SLC38A11: variants seen among roughly 807,000 people sequenced by gnomAD.
SLC38A11 encodes the protein solute carrier family 38 member 11, also known as putative sodium-coupled neutral amino acid transporter 11.
SLC38A11 carries 51 observed loss-of-function variants against 49.4 expected under a neutral mutation model. That is an observed-to-expected ratio of 1.03 (90% CI 0.83 to 1.30). The LOEUF (loss-of-function observed/expected upper bound fraction) is 1.30, where lower values mean the gene tolerates loss of function less well. SLC38A11 is among the 50% of genes most tolerant of loss of function. SLC38A11 has a pLI of 0.00. For missense variants in SLC38A11, 574 were observed against 556.2 expected, an observed-to-expected ratio of 1.03 and a Z score of -0.32; for synonymous variants, 203 against 192.9, an observed-to-expected ratio of 1.05 and a Z score of -0.43.
chr2:164,925,220 C>A (rs1686487654), intron 7 of SLC38A11, among the ~76,000 whole-genome samples: 1 of 152,090 alleles, frequency 6.6e-6, no homozygotes, highest in South Asian at 2.1e-4. Context: ...TTGGTGTTAA[C>A]TGTGTTTACC....
At chr2:164,920,605 G>A (rs1686125614) in intron 7 of SLC38A11, among the ~76,000 whole-genome samples, 1 of 152,150 alleles carries the variant, frequency 6.6e-6, no homozygotes, top group Admixed American at 6.5e-5. Flanking sequence ...ATTGAGAGTA[G>A]AAGATGTTGC....
intron 4 of SLC38A11, 89 bp downstream of exon 4, chr2:164,945,504 T>A (rs1688043888): frequency 1.6e-6 from 2 of 1,256,718 alleles, no homozygotes; most frequent in Non-Finnish European, 2.1e-6. Flanking sequence ...TATAGTGATA[T>A]TCTTTAATGA....
At chr2:164,915,004 G>A in intron 9 of SLC38A11, 108 bp downstream of exon 9, 3 of 1,024,956 alleles carry the variant, frequency 2.9e-6, no homozygotes, top group Admixed American at 3.0e-5. Context: ...GTGGAAGAGA[G>A]TAATCTTTGA....
chr2:164,939,386 G>A (rs541311867), intron 6 of SLC38A11, 64 bp downstream of exon 6: 34 of 1,109,504 alleles, frequency 3.1e-5, no homozygotes, highest in Middle Eastern at 4.3e-4. Context: ...ACTTTGCCAA[G>A]TAGACAGTAG....
chr2:164,927,157 G>T (rs967023612), intron 7 of SLC38A11, among the ~76,000 whole-genome samples: 4 of 152,078 alleles, frequency 2.6e-5, no homozygotes, highest in Non-Finnish European at 4.4e-5. Context: ...CTTCCTCCTC[G>T]TGAAGATGCA....
chr2:164,934,992 C>A (rs147080582), intron 7 of SLC38A11, among the ~76,000 whole-genome samples: 4 of 152,072 alleles, frequency 2.6e-5, no homozygotes, highest in East Asian at 1.9e-4. Context: ...CAGACTCATA[C>A]CCTCTATGTA....
chr2:164,941,987 G>C (rs1302078884), intron 5 of SLC38A11, among the ~76,000 whole-genome samples: 3 of 152,104 alleles, frequency 2.0e-5, no homozygotes, highest in African/African-American at 7.2e-5. Context: ...GGAGGGGGCT[G>C]AAAGGATGGT....
chr2:164,907,483 C>T (rs567977489), intron 11 of SLC38A11, among the ~76,000 whole-genome samples: 3 of 152,078 alleles, frequency 2.0e-5, no homozygotes, highest in African/African-American at 7.2e-5. Flanking sequence ...CCAGGCTGGT[C>T]TCCAACTCCT....
intron 3 of SLC38A11, among the ~76,000 whole-genome samples, chr2:164,951,581 A>C (rs937220948): frequency 6.6e-6 from 1 of 152,124 alleles, no homozygotes; most frequent in Non-Finnish European, 1.5e-5. Context: ...TTTGAAAACT[A>C]TTTCATGCTT....
intron 11 of SLC38A11, among the ~76,000 whole-genome samples, chr2:164,903,060 C>G (rs943979587): frequency 6.6e-6 from 1 of 152,138 alleles, no homozygotes; most frequent in African/African-American, 2.4e-5. Context: ...TTGGAATTAA[C>G]AGTGCTTTTT....
intron 5 of SLC38A11, 143 bp downstream of exon 5, chr2:164,944,426 G>A (rs1478991946): frequency 2.8e-6 from 1 of 355,968 alleles, no homozygotes; most frequent in African/African-American, 2.1e-5. Context: ...AGATCAGAAT[G>A]GATCATGGAT....
At position 164,916,929 on chromosome 2, in the gene SLC38A11, T is replaced by A. The variant is rs114860278; in HGVS notation, c.618-956A>T. 7.6e-3 allele frequency among the ~76,000 whole-genome samples: 1,154 copies of A among 152,280 alleles called. 9 individuals are homozygous for A. Among genetic ancestry groups the A allele is most frequent in the African/African-American group, 0.027 (1,116 of 41,576 alleles). ...TTACAGGACCTCTCTGTGCTTCAAT[T>A]TCAACATTTATAAACTGGGGATAAT... On this transcript the variant is annotated intron_variant, in intron 7 of 11. Coordinates refer to ENST00000685975, the MANE Select transcript of SLC38A11 (RefSeq NM_001351537.2).
At chr2:164,925,851 A>G (rs1044913910) in intron 7 of SLC38A11, among the ~76,000 whole-genome samples, 2 of 152,148 alleles carry the variant, frequency 1.3e-5, no homozygotes, top group Admixed American at 1.3e-4. Context: ...GACATTTAAT[A>G]AGTGTTAGTT....
chr2:164,931,163 C>CA (rs1291007178), intron 7 of SLC38A11, among the ~76,000 whole-genome samples: 7 of 129,032 alleles, frequency 5.4e-5, no homozygotes, highest in Non-Finnish European at 9.4e-5. Flanking sequence ...TTGCCACACA[C>CA]AAAAAGTACC....
At chr2:164,920,546 G>A (rs1686118697) in intron 7 of SLC38A11, among the ~76,000 whole-genome samples, 2 of 33,172 alleles carry the variant, frequency 6.0e-5, no homozygotes, top group African/African-American at 1.3e-4. Flanking sequence ...AGAGATATCC[G>A]AGGAGAAGAC....
At chr2:164,902,013 G>T in intron 11 of SLC38A11, among the ~76,000 whole-genome samples, 2 of 148,018 alleles carry the variant, frequency 1.4e-5, no homozygotes, top group South Asian at 4.3e-4. Flanking sequence ...AGATAATCAT[G>T]TGTTTTTTGT....
At chr2:164,952,916 T>C (rs17353791) in intron 2 of SLC38A11, 135 bp from the exon 3 acceptor site, 175,133 of 660,806 alleles carry the variant, frequency 0.27, 25,347 homozygotes, top group Non-Finnish European at 0.31. Context: ...AAGTTGCACA[T>C]AGGACAGAAT....
chr2:164,937,333 A>G lies in SLC38A11; in HGVS notation c.617+17T>C, dbSNP rs775767777. On this transcript the variant is annotated intron_variant, in intron 7 of 11. Coordinates refer to ENST00000685975, the MANE Select transcript of SLC38A11 (RefSeq NM_001351537.2). The stretch of plus-strand genomic sequence containing the variant: ...GGCTATAAATCAAAGACTGACAAAT[A>G]TAACAACATAACTTACATGTGTGGA... 2.5e-5 allele frequency: 39 copies of G among 1,550,352 alleles called. No homozygotes were observed. In the East Asian group the frequency reaches 7.2e-4, roughly 29 times the overall value.
At chr2:164,908,108 T>C (rs1269491960) in intron 11 of SLC38A11, 1 of 152,150 alleles carries the variant, frequency 6.6e-6, no homozygotes, top group Admixed American at 6.6e-5. Flanking sequence ...AAGAAAAATA[T>C]TTAAAGAAAA....
Sources: allele counts gnomAD v4.1 joint callset (sites outside exome capture counted in the v4.1 genomes callset), GRCh38; gene constraint gnomAD v4.1.1; transcripts MANE v1.5; gene names NCBI Gene and HGNC (gene_info 2026-07-23, HGNC 2026-07-21).